Variants in LOC128462377 observed in about 807,000 individuals in gnomAD.
the LOC128462377 span, among the ~76,000 whole-genome samples, chr16:89,359,916 T>G: frequency 2.0e-5 from 3 of 151,830 alleles, no homozygotes; most frequent in Admixed American, 6.6e-5. Context: ...ACTTTTAGGT[T>G]CGGGGGCACA....
chr16:89,397,776 G>A, the LOC128462377 span, among the ~76,000 whole-genome samples: 1 of 152,240 alleles, frequency 6.6e-6, no homozygotes, highest in Non-Finnish European at 1.5e-5. Context: ...GACAGGCAAG[G>A]GACTGGAGTG....
At chr16:89,393,669 G>T in the LOC128462377 span, among the ~76,000 whole-genome samples, 9 of 151,884 alleles carry the variant, frequency 5.9e-5, no homozygotes, top group Non-Finnish European at 1.3e-4. Context: ...GAGTAATCAC[G>T]TCCACCTCAG....
At chr16:89,340,747 A>C in the LOC128462377 span, among the ~76,000 whole-genome samples, 1 of 152,250 alleles carries the variant, frequency 6.6e-6, no homozygotes, top group Non-Finnish European at 1.5e-5. Context: ...GTTCATTGGC[A>C]AAACAAAATC....
chr16:89,342,491 G>T, the LOC128462377 span, among the ~76,000 whole-genome samples: 5 of 152,242 alleles, frequency 3.3e-5, no homozygotes, highest in Admixed American at 2.6e-4. Context: ...GAGGAGGAAC[G>T]GGCAGGGAGA....
the LOC128462377 span, among the ~76,000 whole-genome samples, chr16:89,339,097 C>T: frequency 6.6e-6 from 1 of 152,138 alleles, no homozygotes; most frequent in Admixed American, 6.5e-5. Context: ...GATGGGTGAG[C>T]GTTGCACCCC....
chr16:89,346,539 G>C, the LOC128462377 span, among the ~76,000 whole-genome samples: 1 of 152,220 alleles, frequency 6.6e-6, no homozygotes, highest in East Asian at 1.9e-4. Flanking sequence ...CCTAAAAACT[G>C]TGAGAGTCAC....
At chr16:89,346,517 C>G in the LOC128462377 span, among the ~76,000 whole-genome samples, 1 of 152,232 alleles carries the variant, frequency 6.6e-6, no homozygotes, top group Non-Finnish European at 1.5e-5. Context: ...ACACAGACAA[C>G]TACACCACAC....
chr16:89,379,674 C>T, the LOC128462377 span, among the ~76,000 whole-genome samples: 49 of 152,296 alleles, frequency 3.2e-4, no homozygotes, highest in South Asian at 8.9e-3. Context: ...GTGACTGGGA[C>T]GCGAGCGCCC....
chr16:89,391,112 C>T, the LOC128462377 span, among the ~76,000 whole-genome samples: 1 of 151,628 alleles, frequency 6.6e-6, no homozygotes, highest in Non-Finnish European at 1.5e-5. Flanking sequence ...CCTGTAGTCC[C>T]AGCTACTCGG....
At chr16:89,357,383 C>A in the LOC128462377 span, among the ~76,000 whole-genome samples, 1 of 152,064 alleles carries the variant, frequency 6.6e-6, no homozygotes. Context: ...GGCAGGTGAG[C>A]TTGTGGAGAA....
chr16:89,378,733 C>T, the LOC128462377 span, among the ~76,000 whole-genome samples: 1 of 152,168 alleles, frequency 6.6e-6, no homozygotes, highest in African/African-American at 2.4e-5. Context: ...GTGTGTGCCA[C>T]CATGCCTGGC....
the LOC128462377 span, among the ~76,000 whole-genome samples, chr16:89,321,720 TTTG>T: frequency 1.3e-5 from 2 of 152,090 alleles, no homozygotes; most frequent in Non-Finnish European, 2.9e-5. Flanking sequence ...AAAAGACTTC[TTTG>T]GGGTTGAAAT....
chr16:89,411,523 CCTA>C, the LOC128462377 span, among the ~76,000 whole-genome samples: 1 of 152,196 alleles, frequency 6.6e-6, no homozygotes, highest in Non-Finnish European at 1.5e-5. Flanking sequence ...AAGAGATCCT[CCTA>C]CCTCAACCTC....
At chr16:89,384,621 G>A in the LOC128462377 span, among the ~76,000 whole-genome samples, 11 of 152,164 alleles carry the variant, frequency 7.2e-5, no homozygotes, top group African/African-American at 2.7e-4. Context: ...CTGCAGGAAG[G>A]AGCCTCTGCA....
At chr16:89,377,172 C>G in the LOC128462377 span, among the ~76,000 whole-genome samples, 1 of 152,118 alleles carries the variant, frequency 6.6e-6, no homozygotes, top group Admixed American at 6.5e-5. Context: ...CTTCCTGTCC[C>G]CAAACACAGC....
At chr16:89,329,649 G>T in the LOC128462377 span, among the ~76,000 whole-genome samples, 1 of 152,152 alleles carries the variant, frequency 6.6e-6, no homozygotes, top group African/African-American at 2.4e-5. Flanking sequence ...TATGAGGTAG[G>T]AGGTAAGCTT....
At chr16:89,392,972 C>G in the LOC128462377 span, among the ~76,000 whole-genome samples, 1 of 151,888 alleles carries the variant, frequency 6.6e-6, no homozygotes, top group South Asian at 2.1e-4. Flanking sequence ...TTTCTGTTTC[C>G]CCAAAAATTC....
the LOC128462377 span, among the ~76,000 whole-genome samples, chr16:89,352,775 T>C: frequency 6.6e-6 from 1 of 152,158 alleles, no homozygotes; most frequent in Non-Finnish European, 1.5e-5. Context: ...GATTCTTGAG[T>C]GCGTTTCCTA....
chr16:89,332,068 A>G, the LOC128462377 span, among the ~76,000 whole-genome samples: 3 of 152,304 alleles, frequency 2.0e-5, no homozygotes, highest in African/African-American at 7.2e-5. Context: ...GGAAGGGATC[A>G]TTCGATCCCA....
Sources: gnomAD v4.1 joint callset for allele counts (sites outside exome capture counted in the v4.1 genomes callset) on GRCh38, gnomAD v4.1.1 for gene constraint, MANE v1.5 for transcripts.